Variants in CLPTM1 observed in about 807,000 individuals in gnomAD.
CLPTM1 encodes the protein CLPTM1 regulator of GABA type A receptor forward trafficking, also known as putative lipid scramblase CLPTM1.
In CLPTM1, 21 loss-of-function variants were observed where a neutral mutation model predicts 77.3. That is an observed-to-expected ratio of 0.27 (90% CI 0.19 to 0.39). CLPTM1 has a LOEUF of 0.39. CLPTM1 is among the 10% of genes least tolerant of loss of function. The pLI is 1.00. For missense variants in CLPTM1, 642 were observed against 921.2 expected (o/e 0.70, Z 3.92); for synonymous variants, 373 against 381.0 (o/e 0.98, Z 0.24).
intron 5 of CLPTM1, among the ~76,000 whole-genome samples, chr19:44,983,617 C>CAAAAAAAAAAAAAAAAAAA (rs35582067): frequency 2.5e-5 from 1 of 39,790 alleles, no homozygotes; most frequent in African/African-American, 1.3e-4. Flanking sequence ...GACTCTGTCT[C>CAAAAAAAAAAAAAAAAAAA]AAAAAAAAAA....
At chr19:44,979,781 G>A (rs1600034347) in intron 5 of CLPTM1, among the ~76,000 whole-genome samples, 2 of 152,222 alleles carry the variant, frequency 1.3e-5, no homozygotes, top group South Asian at 2.1e-4. Context: ...CCAGGCAGAA[G>A]TGGCTTGAGG....
At chr19:44,983,617 CAAAAAAAAAAAAAAA>C (rs35582067) in intron 5 of CLPTM1, among the ~76,000 whole-genome samples, 26 of 39,802 alleles carry the variant, frequency 6.5e-4, no homozygotes, top group Admixed American at 2.8e-3. Context: ...GACTCTGTCT[CAAAAAAAAAAAAAAA>C]AAAAAAAAAA....
intron 9 of CLPTM1, 50 bp downstream of exon 9, chr19:44,988,223 A>G (rs1568389564): frequency 1.5e-6 from 2 of 1,335,474 alleles, no homozygotes; most frequent in Middle Eastern, 1.8e-4. Flanking sequence ...GGTGGGGGAC[A>G]GGACCTGCCC....
In CLPTM1 at chr19:44,974,362, G is replaced by A. The variant is rs540883178; in HGVS notation, c.310-77G>A. 144 of 1,468,388 alleles carry A rather than the reference G, an allele frequency of 9.8e-5. No homozygotes were observed. In the African/African-American group the frequency reaches 1.2e-3, roughly 12 times the overall value. 91.0% of individuals were successfully genotyped at this position (1,468,388 alleles called of 1,614,324 possible). On this transcript the variant is annotated intron_variant, in intron 3 of 13. Transcript: ENST00000337392. ...TACTGTTCCCCTGAGTGTGCTGACC[G>A]CTGCCATAGCTCTTTAGCCAGCCTG...
chr19:44,975,596 G>C (rs892588683), intron 4 of CLPTM1, among the ~76,000 whole-genome samples: 1 of 151,320 alleles, frequency 6.6e-6, no homozygotes, highest in Admixed American at 6.6e-5. Flanking sequence ...ACAGCGTCTC[G>C]CTCTGTCACC....
chr19:44,985,817 G>A (rs1288687248), intron 6 of CLPTM1, among the ~76,000 whole-genome samples: 1 of 152,222 alleles, frequency 6.6e-6, no homozygotes, highest in Non-Finnish European at 1.5e-5. Flanking sequence ...CTGTGTTGGG[G>A]GGGTGGTCCC....
At chr19:44,983,286 T>TGAGG (rs1970926035) in intron 5 of CLPTM1, among the ~76,000 whole-genome samples, 1 of 151,892 alleles carries the variant, frequency 6.6e-6, no homozygotes, top group African/African-American at 2.4e-5. Flanking sequence ...GATAGAGACT[T>TGAGG]GAGGGAGGGC....
intron 2 of CLPTM1, among the ~76,000 whole-genome samples, chr19:44,971,620 G>T (rs1001815103): frequency 6.6e-6 from 1 of 151,976 alleles, no homozygotes; most frequent in Non-Finnish European, 1.5e-5. Flanking sequence ...GTGCAGTGGC[G>T]CAATCACGTC....
At chr19:44,965,807 G>A (rs759359637) in intron 2 of CLPTM1, among the ~76,000 whole-genome samples, 33 of 152,152 alleles carry the variant, frequency 2.2e-4, no homozygotes, top group Admixed American at 3.3e-4. Flanking sequence ...GCGAGACTCC[G>A]TCTCAAAAAA....
At chr19:44,986,297 G>A (rs905350460) in intron 6 of CLPTM1, among the ~76,000 whole-genome samples, 158 bp from the exon 7 acceptor site, 1 of 151,456 alleles carries the variant, frequency 6.6e-6, no homozygotes, top group African/African-American at 2.4e-5. Context: ...CCCAGAATTC[G>A]AGACCAGCTT....
chr19:44,980,895 T>C (rs899083400), intron 5 of CLPTM1, among the ~76,000 whole-genome samples: 1 of 152,002 alleles, frequency 6.6e-6, no homozygotes, highest in Admixed American at 6.6e-5. Flanking sequence ...TGGAGTGCAG[T>C]GGTGCAGTCT....
chr19:44,963,370 G>T (rs1325751346), intron 2 of CLPTM1, among the ~76,000 whole-genome samples: 3 of 148,220 alleles, frequency 2.0e-5, no homozygotes, highest in Admixed American at 2.0e-4. Flanking sequence ...CTGTCGCCCA[G>T]GCTGGAGTGC....
chr19:44,974,153 A>T (rs1167263275), intron 3 of CLPTM1, among the ~76,000 whole-genome samples: 1 of 151,910 alleles, frequency 6.6e-6, no homozygotes, highest in Non-Finnish European at 1.5e-5. Flanking sequence ...AGGGCAGGAG[A>T]TCATTCAGGG....
In CLPTM1 at chr19:44,992,774, G is replaced by A. The variant is rs376809458; in HGVS notation, c.1887G>A (p.Thr629=). The part of the protein sequence containing the change: ...GALTPTPAPT[T]TTATREEAST... ...TCACGCCCACACCTGCACCCACCAC[G>A]ACCACCGCCACCAGGGAGGAGGCCT... Residue 629 remains threonine, a synonymous_variant, in exon 14 of 14, where the codon ACG becomes ACA. Transcript: ENST00000337392. This position sits in a 1 kb window ranked among gnomAD's most constrained non-coding sequence, Gnocchi z 7.7. 5.6e-5 allele frequency: 90 copies of A among 1,612,408 alleles called. No homozygotes were observed. Among genetic ancestry groups the A allele is most frequent in the South Asian group, 3.4e-4 (31 of 91,054 alleles).
At chr19:44,954,651 G>A, upstream of CLPTM1, 4 of 1,107,964 alleles carry the variant, frequency 3.6e-6, no homozygotes, top group Non-Finnish European at 4.4e-6. Context: ...CACAGCTAAT[G>A]AAAAATTGTG....
In CLPTM1 at chr19:44,955,485, G is replaced by A; in HGVS notation, c.72+18G>A. 1.6e-6 allele frequency: 2 copies of A among 1,287,686 alleles called. No homozygotes were observed. Among genetic ancestry groups the A allele is most frequent in the Non-Finnish European group, 2.0e-6 (2 of 1,015,558 alleles). 79.8% of individuals were successfully genotyped at this position (1,287,686 alleles called of 1,614,324 possible). On this transcript the variant is annotated intron_variant, in intron 1 of 13. Transcript: ENST00000337392. ...CCGGTCAGGTACGGAGGCCGAGAGG[G>A]GACTGAGGGGGTTCTTCCCCAGCCG...
intron 2 of CLPTM1, among the ~76,000 whole-genome samples, chr19:44,962,330 C>T (rs1252425952): frequency 6.6e-6 from 1 of 151,700 alleles, no homozygotes; most frequent in Non-Finnish European, 1.5e-5. Context: ...AATAAAAACA[C>T]AAAAAATACT....
At chr19:44,955,135 G>A (rs1970438050), upstream of CLPTM1, 4 of 1,535,620 alleles carry the variant, frequency 2.6e-6, no homozygotes, top group Non-Finnish European at 2.6e-6. Flanking sequence ...GGAGGCACAT[G>A]CTGGCCGAGA....
intron 1 of CLPTM1, among the ~76,000 whole-genome samples, chr19:44,956,320 A>G (rs1357050364): frequency 6.6e-6 from 1 of 152,082 alleles, no homozygotes; most frequent in Non-Finnish European, 1.5e-5. Flanking sequence ...TTAGGCCTTT[A>G]TCTCTCCCGT....
Sources: allele counts gnomAD v4.1 joint callset (sites outside exome capture counted in the v4.1 genomes callset), GRCh38; gene constraint gnomAD v4.1.1; non-coding constraint Gnocchi (gnomAD v3.1); transcripts MANE v1.5; gene names NCBI Gene and HGNC (gene_info 2026-07-23, HGNC 2026-07-21).